The following NRXN1 variants were observed in gnomAD, a reference collection of about 807,000 sequenced individuals.
The protein encoded by NRXN1 is neurexin-1.
A neutral mutation model predicts 150.9 loss-of-function variants in NRXN1; 39 were observed. That is an observed-to-expected ratio of 0.26 (90% CI 0.20 to 0.34). The LOEUF is 0.34. NRXN1 is among the 10% of genes least tolerant of loss of function. The pLI, the probability that NRXN1 is intolerant of heterozygous loss-of-function variation, is 1.00. For synonymous variants in NRXN1, 924 were observed against 757.0 expected (o/e 1.22, Z -3.62); for missense variants, 1,815 against 1,949.9 (o/e 0.93, Z 1.30).
At chr2:50,146,264 G>C (rs1707994422) in intron 18 of NRXN1, among the ~76,000 whole-genome samples, 1 of 151,672 alleles carries the variant, frequency 6.6e-6, no homozygotes, top group South Asian at 2.1e-4. Flanking sequence ...GTGGAAGAGA[G>C]TGTGGTGATT....
At position 50,204,115 on chromosome 2, in the gene NRXN1, C is replaced by A. The variant is rs375913452; in HGVS notation, c.3546+32674G>T. ...TAGTAACTTCCAATAATCAGTCTTT[C>A]GCCTTAAGTGAATAAGGATCACAAT... On this transcript the variant is annotated intron_variant, in intron 18 of 22. Transcript: ENST00000401669. 1.4e-4 allele frequency among the ~76,000 whole-genome samples: 22 copies of A among 152,126 alleles called. 1 individual carries two copies. Among genetic ancestry groups the A allele is most frequent in the African/African-American group, 5.3e-4 (22 of 41,540 alleles).
intron 5 of NRXN1, among the ~76,000 whole-genome samples, chr2:50,879,936 A>G (rs1203038730): frequency 6.6e-6 from 1 of 151,924 alleles, no homozygotes; most frequent in Non-Finnish European, 1.5e-5. Flanking sequence ...AGTACTCCAC[A>G]CAAACTGAGC....
chr2:50,207,165 A>C (rs2062660250), intron 18 of NRXN1, among the ~76,000 whole-genome samples: 1 of 152,132 alleles, frequency 6.6e-6, no homozygotes, highest in African/African-American at 2.4e-5. Context: ...ATTTCAGGAG[A>C]GGTAAGACAC....
At chr2:50,010,921 A>C (rs937667925) in intron 21 of NRXN1, among the ~76,000 whole-genome samples, 1 of 152,184 alleles carries the variant, frequency 6.6e-6, no homozygotes, top group Non-Finnish European at 1.5e-5. Context: ...TAATGACATA[A>C]AATATCTCTG....
At chr2:50,952,631 G>A (rs1015953031) in intron 2 of NRXN1, among the ~76,000 whole-genome samples, 1 of 152,130 alleles carries the variant, frequency 6.6e-6, no homozygotes, top group African/African-American at 2.4e-5. Context: ...AAATAAAAAT[G>A]AACTAGAAGA....
chr2:50,931,106 T>G (rs1299219851), intron 2 of NRXN1, among the ~76,000 whole-genome samples: 1 of 152,146 alleles, frequency 6.6e-6, no homozygotes, highest in East Asian at 1.9e-4. Context: ...GAGAATATTC[T>G]GCAATGTGTT....
At chr2:50,574,971 T>C (rs188803759) in intron 8 of NRXN1, among the ~76,000 whole-genome samples, 7 of 152,314 alleles carry the variant, frequency 4.6e-5, no homozygotes, top group South Asian at 2.1e-4. Context: ...ATTGCACTAA[T>C]ATGCTCTCAG....
At chr2:49,999,805 T>C (rs1164140997) in intron 21 of NRXN1, among the ~76,000 whole-genome samples, 1 of 152,170 alleles carries the variant, frequency 6.6e-6, no homozygotes, top group Non-Finnish European at 1.5e-5. Flanking sequence ...TCTAAAACCT[T>C]ATTTCAAGAA....
Position 50,538,591 on chromosome 2 carries a change from C to G in NRXN1, c.1805G>C (p.Gly602Ala). ...NTLRTPYTAP[G>A]ESEILDLDDE... Reference sequence around the variant, plus strand: ...ATCCAGGTCCAGAATCTCACTCTCACCAGGAGCAGTGTAGGGAGTACGCAA... The same window carrying G: ...ATCCAGGTCCAGAATCTCACTCTCAGCAGGAGCAGTGTAGGGAGTACGCAA... The change falls in exon 10 of 23, where the codon GGT (glycine) becomes GCT (alanine). Residue 602 changes from glycine to alanine, a missense_variant. By Grantham distance (60) the Gly-to-Ala change is moderately conservative. Transcript: ENST00000401669. 3.9e-6 allele frequency: 6 copies of G among 1,552,464 alleles called. No homozygotes were observed. Among genetic ancestry groups the G allele is most frequent in the Non-Finnish European group, 4.4e-6 (5 of 1,148,062 alleles).
Position 50,461,303 on chromosome 2 carries a change from T to A in NRXN1, c.3364+4139A>T, listed in dbSNP as rs185368689. Among the ~76,000 whole-genome samples, 24 of 152,062 alleles carry A rather than the reference T, an allele frequency of 1.6e-4. No homozygotes were observed. In the East Asian group the frequency reaches 4.7e-3, roughly 30 times the overall value. On this transcript the variant is annotated intron_variant, in intron 17 of 22. Transcript: ENST00000401669. ...TAATAAAACAGCACCCACACCCTCC[T>A]AAGCTGTAGCACCAAAATAACAGCA...
chr2:50,977,900 G>A (rs1371398787), intron 2 of NRXN1, among the ~76,000 whole-genome samples: 2 of 151,724 alleles, frequency 1.3e-5, no homozygotes, highest in Admixed American at 6.6e-5. Context: ...TTTTTAAAGT[G>A]TTAATGTGAT....
chr2:49,999,621 A>C (rs971727545), intron 21 of NRXN1, among the ~76,000 whole-genome samples: 1 of 152,190 alleles, frequency 6.6e-6, no homozygotes, highest in Non-Finnish European at 1.5e-5. Flanking sequence ...ATAATAAATC[A>C]GTATAAATTT....
At chr2:50,344,211 C>T (rs1447570141) in intron 17 of NRXN1, among the ~76,000 whole-genome samples, 7 of 152,166 alleles carry the variant, frequency 4.6e-5, no homozygotes, top group Admixed American at 4.6e-4. Flanking sequence ...CACACCTCAC[C>T]CCATTTCTCC....
rs1558874712 is a variant in NRXN1, at chr2:50,098,849, T to TGGC, written c.3547-7356_3547-7355insGCC. ...GTTTTAGTTTTTTTTTTTTTTTTTT[T>TGGC]TTTTTTTTTTTTTTTTTTTTTTTTT... is the stretch of plus-strand genomic sequence containing the variant. On this transcript the variant is annotated intron_variant, in intron 18 of 22. Coordinates refer to ENST00000401669, the MANE Select transcript of NRXN1 (RefSeq NM_001330078.2). Among the ~76,000 whole-genome samples the TGGC allele has an allele frequency of 1.7e-3, 28 of 16,788 alleles. 2 individuals carry two copies. The highest frequency in any genetic ancestry group is 3.1e-3 in the Non-Finnish European group (20 of 6,504). 11.0% of individuals were successfully genotyped at this position (16,788 alleles called of 152,430 possible).
intron 17 of NRXN1, among the ~76,000 whole-genome samples, chr2:50,388,068 C>T (rs1165778608): frequency 2.0e-5 from 3 of 152,150 alleles, no homozygotes; most frequent in African/African-American, 7.2e-5. Flanking sequence ...TTTGATGCCT[C>T]AACCCCTTAC....
intron 21 of NRXN1, among the ~76,000 whole-genome samples, chr2:50,011,059 A>G (rs1685580029): frequency 6.6e-6 from 1 of 152,156 alleles, no homozygotes; most frequent in South Asian, 2.1e-4. Flanking sequence ...GCCTCCTTGG[A>G]GAGTTTTTAC....
chr2:50,051,102 T>A (rs191225138), intron 21 of NRXN1, among the ~76,000 whole-genome samples: 1 of 152,146 alleles, frequency 6.6e-6, no homozygotes, highest in Non-Finnish European at 1.5e-5. Flanking sequence ...TAATAGCTTA[T>A]AATAAAAGAG....
chr2:50,251,270 G>C (rs923715830), intron 17 of NRXN1, among the ~76,000 whole-genome samples: 5 of 152,022 alleles, frequency 3.3e-5, no homozygotes, highest in African/African-American at 1.2e-4. Context: ...TTATAACTGA[G>C]AACGTGCACT....
chr2:50,380,466 T>C (rs141238802), intron 17 of NRXN1, among the ~76,000 whole-genome samples: 2 of 152,168 alleles, frequency 1.3e-5, no homozygotes, highest in South Asian at 2.1e-4. Flanking sequence ...TATCTGATCT[T>C]GAGATTTAGA....
Sources: allele counts gnomAD v4.1 joint callset (sites outside exome capture counted in the v4.1 genomes callset), GRCh38; gene constraint gnomAD v4.1.1; transcripts MANE v1.5; gene names NCBI Gene and HGNC (gene_info 2026-07-23, HGNC 2026-07-21).